Variants in RNF208 observed in about 807,000 individuals in gnomAD.
The protein encoded by RNF208 is ring finger protein 208.
A neutral mutation model predicts 15.2 loss-of-function variants in RNF208; 7 were observed. The ratio of observed to expected loss-of-function variants is 0.46; its 90% CI spans 0.26 to 0.86. RNF208 has a LOEUF of 0.86. Ranked by LOEUF, RNF208 falls within the 40% of genes least tolerant of loss-of-function variation. The pLI, the probability that RNF208 is intolerant of heterozygous loss-of-function variation, is 0.16. For synonymous variants in RNF208, 211 were observed against 163.2 expected, an observed-to-expected ratio of 1.29 and a Z score of -2.23; for missense variants, 342 against 364.1, an observed-to-expected ratio of 0.94 and a Z score of 0.49.
In RNF208 at chr9:137,220,310, G is replaced by A. The variant is rs1835829073; in HGVS notation, c.*117C>T. On this transcript the variant is annotated 3_prime_UTR_variant, in exon 2 of 2. Coordinates refer to ENST00000391553, the MANE Select transcript of RNF208 (RefSeq NM_031297.7). ...TTGGCTGCAGCGACAATGCCACTCG[G>A]GGTGGGGCCGGAAGCCATGGTGGGG... 1 of 1,150,240 alleles carries A rather than the reference G, an allele frequency of 8.7e-7. No individual in the cohort carries two copies. Among genetic ancestry groups the A allele is most frequent in the African/African-American group, 1.5e-5 (1 of 64,566 alleles). The allele number at this position is 1,150,240 out of a possible 1,614,324, so 71.3% of individuals were successfully genotyped here.
upstream of RNF208, among the ~76,000 whole-genome samples, chr9:137,222,403 C>T (rs1321492863): frequency 6.6e-6 from 1 of 151,770 alleles, no homozygotes; most frequent in Non-Finnish European, 1.5e-5. Context: ...GCGTGGGGGG[C>T]AGGACCCCCG....
Position 137,221,260 on chromosome 9 carries a change from T to TGGGGGGGGGGGGGGGG in RNF208, c.-49_-48insCCCCCCCCCCCCCCCC. On this transcript the variant is annotated 5_prime_UTR_variant, in exon 2 of 2. The change abolishes the stop of an existing upstream ORF in the 5' untranslated region. Transcript: ENST00000391553. ...GATGTTCGGGTGGGTGGGGGCGTTG[T>TGGGGGGGGGGGGGGGG]GTGGGGCTGGGGGGCAGGTGACAGG... 5.6e-6 allele frequency: 2 copies of TGGGGGGGGGGGGGGGG among 356,798 alleles called. No homozygotes were observed. The highest frequency in any genetic ancestry group is 3.8e-6 in the Non-Finnish European group (1 of 264,364). The allele number at this position is 356,798 out of a possible 1,614,324, so 22.1% of individuals were successfully genotyped here. A position where few individuals can be genotyped will look rare whatever the true frequency, so the allele number is the denominator to read the frequency against.
chr9:137,220,830 G>A lies in RNF208; in HGVS notation c.383C>T (p.Ser128Leu), dbSNP rs763761490. ...VNQYVIRPGP[S>L]ASAASSAAAG... ...CGCCGCCGAAGAAGCCGCCGAGGCC[G>A]AGGGGCCAGGCCGAATCACGTACTG... Residue 128 changes from serine (S) to leucine (L), a missense_variant, in exon 2 of 2, where the codon TCG becomes TTG. By Grantham distance (145) the Ser-to-Leu change is moderately radical. Coordinates refer to ENST00000391553, the MANE Select transcript of RNF208 (RefSeq NM_031297.7). The A allele has an allele frequency of 6.2e-6, 10 of 1,607,488 alleles. No individual in the cohort carries two copies. The highest frequency in any genetic ancestry group is 4.2e-6 in the Non-Finnish European group (5 of 1,177,294).
rs748939477 is a variant in RNF208, at chr9:137,221,013, G to A, written c.200C>T (p.Pro67Leu). The change falls in exon 2 of 2, where the codon CCC (proline) becomes CTC (leucine). Residue 67 changes from proline to leucine, a missense_variant. This residue lies in a region of RNF208 where 207 missense variants were observed against 193.7 expected (regional missense o/e 1.07). Coordinates refer to ENST00000391553, the MANE Select transcript of RNF208 (RefSeq NM_031297.7). ...TPTLAPKRAW[P>L]SDTEIIVNQA... is the part of the protein sequence containing the mutation. Reference sequence around the variant, plus strand: ...GTTGACAATGATCTCTGTGTCTGAGGGCCAGGCACGCTTGGGTGCCAGAGT... The same window carrying A: ...GTTGACAATGATCTCTGTGTCTGAGAGCCAGGCACGCTTGGGTGCCAGAGT... 6.3e-7 allele frequency: 1 copy of A among 1,581,368 alleles called. No individual in the cohort carries two copies. The highest frequency in any genetic ancestry group is 1.1e-5 in the South Asian group (1 of 87,174).
In RNF208 at chr9:137,220,435, T is replaced by G. The variant is rs1456919794; in HGVS notation, c.778A>C (p.Ile260Leu). 1.9e-6 allele frequency: 3 copies of G among 1,583,084 alleles called. No homozygotes were observed. The highest frequency in any genetic ancestry group is 2.6e-6 in the Non-Finnish European group (3 of 1,163,118). Residue 260 changes from isoleucine to leucine, a missense_variant, in exon 2 of 2, where the codon ATC becomes CTC. Physicochemically the swap from Ile to Leu is conservative, Grantham distance 5 (BLOSUM62 2). Around this residue, in one of 3 missense-constraint regions of RNF208, gnomAD observed 59 missense variants for 52.4 expected, o/e 1.13. Transcript: ENST00000391553. The part of the protein sequence containing the change: ...HVRNPLSACS[I>L]M ...CGGGCAGGCAGGCGCTACTACATGATGGAGCAGGCGGACAGTGGGTTCCGC... is the reference window on the plus strand; with the variant it reads ...CGGGCAGGCAGGCGCTACTACATGAGGGAGCAGGCGGACAGTGGGTTCCGC...
At chr9:137,222,603 C>A (rs1588830494), upstream of RNF208, among the ~76,000 whole-genome samples, 1 of 152,224 alleles carries the variant, frequency 6.6e-6, no homozygotes, top group East Asian at 1.9e-4. Context: ...TGCCTTCCCC[C>A]GTCCCCGGCC....
rs1338674487 is a variant in RNF208, at chr9:137,222,083, T to G, written c.-621A>C. On this transcript the variant is annotated 5_prime_UTR_variant, in exon 1 of 2. Transcript: ENST00000391553. ...GGCGCCCGCGCCTCGGCCCGGCAGC[T>G]CGGGGGGCTCCGGCGGCTCCGGCGG... Among the ~76,000 whole-genome samples, 1 of 147,178 alleles carries G rather than the reference T, an allele frequency of 6.8e-6. No homozygotes were observed. Among genetic ancestry groups the G allele is most frequent in the Non-Finnish European group, 1.5e-5 (1 of 66,348 alleles).
Position 137,220,601 on chromosome 9 carries a change from C to G in RNF208, c.612G>C (p.Leu204=), listed in dbSNP as rs763505353. The G allele has an allele frequency of 1.2e-6, 2 of 1,612,042 alleles. No individual in the cohort carries two copies. Among genetic ancestry groups the G allele is most frequent in the Non-Finnish European group, 1.7e-6 (2 of 1,179,780 alleles). Residue 204 remains leucine (L), a synonymous_variant, in exon 2 of 2, where the codon CTG becomes CTC. Transcript: ENST00000391553. ...GGCTCAGGATGGACGTGTTGACAGC[C>G]AGCGCGGCCAGGCCGTAGTCGGTGA... The part of the protein sequence containing the change: ...VLFTDYGLAA[L]AVNTSILSRL...
Position 137,222,106 on chromosome 9 carries a change from C to G in RNF208, c.-644G>C, listed in dbSNP as rs1021378568. The stretch of plus-strand genomic sequence containing the variant: ...GCTCGGGGGGCTCCGGCGGCTCCGG[C>G]GGCGGCCGCAGCGACCTCAGGCGAT... On this transcript the variant is annotated 5_prime_UTR_variant, in exon 1 of 2. Coordinates refer to ENST00000391553, the MANE Select transcript of RNF208 (RefSeq NM_031297.7). Among the ~76,000 whole-genome samples the G allele has an allele frequency of 7.5e-5, 11 of 147,166 alleles. No individual in the cohort carries two copies. Among genetic ancestry groups the G allele is most frequent in the African/African-American group, 2.7e-4 (11 of 40,930 alleles).
At chr9:137,223,379 C>G (rs1049268082), upstream of RNF208, among the ~76,000 whole-genome samples, 1 of 152,184 alleles carries the variant, frequency 6.6e-6, no homozygotes, top group African/African-American at 2.4e-5. Context: ...CTCTGCTCAC[C>G]GACCCGGCGT....
In RNF208 at chr9:137,220,839, G is replaced by A; in HGVS notation, c.374C>T (p.Pro125Leu). Reference protein sequence around the residue: ...EVIVNQYVIRPGPSASAASSA... With the variant: ...EVIVNQYVIRLGPSASAASSA... Reference sequence around the variant, plus strand: ...AGAAGCCGCCGAGGCCGAGGGGCCAGGCCGAATCACGTACTGATTCACAAT... The same window carrying A: ...AGAAGCCGCCGAGGCCGAGGGGCCAAGCCGAATCACGTACTGATTCACAAT... Residue 125 changes from proline (P) to leucine (L), a missense_variant, in exon 2 of 2, where the codon CCT (proline) becomes CTT (leucine). By Grantham distance (98) the Pro-to-Leu change is moderately conservative. This residue lies in a region of RNF208 where 207 missense variants were observed against 193.7 expected (regional missense o/e 1.07). Transcript: ENST00000391553. 1 of 1,606,622 alleles carries A rather than the reference G, an allele frequency of 6.2e-7. No individual in the cohort carries two copies. The highest frequency in any genetic ancestry group is 8.5e-7 in the Non-Finnish European group (1 of 1,176,620).
In RNF208 at chr9:137,222,135, G is replaced by A. The variant is rs1835880236; in HGVS notation, c.-673C>T. 2.0e-5 allele frequency among the ~76,000 whole-genome samples: 3 copies of A among 146,586 alleles called. No homozygotes were observed. On this transcript the variant is annotated 5_prime_UTR_variant, in exon 1 of 2. Coordinates refer to ENST00000391553, the MANE Select transcript of RNF208 (RefSeq NM_031297.7). Reference sequence around the variant, plus strand: ...GGCCGCAGCGACCTCAGGCGATGGCGGGGCCCGGGCGGCACCGAGGGGCGC... The same window carrying A: ...GGCCGCAGCGACCTCAGGCGATGGCAGGGCCCGGGCGGCACCGAGGGGCGC...
Position 137,221,236 on chromosome 9 carries a change from A to G in RNF208, c.-24T>C. 2 of 357,874 alleles carry G rather than the reference A, an allele frequency of 5.6e-6. No homozygotes were observed. Among genetic ancestry groups the G allele is most frequent in the South Asian group, 2.9e-5 (1 of 33,916 alleles). 22.2% of individuals were successfully genotyped at this position (357,874 alleles called of 1,614,324 possible). The stretch of plus-strand genomic sequence containing the variant: ...ATCCGGCTGTCTCCAGTCAGACTGG[A>G]TGTTCGGGTGGGTGGGGGCGTTGTG... On this transcript the variant is annotated 5_prime_UTR_variant, in exon 2 of 2. Transcript: ENST00000391553.
Position 137,220,310 on chromosome 9 carries a change from G to C in RNF208, c.*117C>G. The C allele has an allele frequency of 8.7e-7, 1 of 1,150,240 alleles. No homozygotes were observed. Among genetic ancestry groups the C allele is most frequent in the Non-Finnish European group, 1.2e-6 (1 of 836,542 alleles). 71.3% of individuals were successfully genotyped at this position (1,150,240 alleles called of 1,614,324 possible). ...TTGGCTGCAGCGACAATGCCACTCG[G>C]GGTGGGGCCGGAAGCCATGGTGGGG... On this transcript the variant is annotated 3_prime_UTR_variant, in exon 2 of 2. Transcript: ENST00000391553.
Position 137,220,690 on chromosome 9 carries a change from A to C in RNF208, c.523T>G (p.Tyr175Asp), listed in dbSNP as rs1411919936. 1 of 1,612,560 alleles carries C rather than the reference A, an allele frequency of 6.2e-7. No individual in the cohort carries two copies. Among genetic ancestry groups the C allele is most frequent in the South Asian group, 1.1e-5 (1 of 91,090 alleles). Reference sequence around the variant, plus strand: ...AACTTGTACTTGGGGCAGGACTCGTAGAGAATCTGCAGGCACTGCTCACAC... The same window carrying C: ...AACTTGTACTTGGGGCAGGACTCGTCGAGAATCTGCAGGCACTGCTCACAC... ...SVCEQCLQIL[Y>D]ESCPKYKFIS... Residue 175 changes from tyrosine to aspartate, a missense_variant, in exon 2 of 2, where the codon TAC becomes GAC. Transcript: ENST00000391553.
At chr9:137,223,380 G>C (rs150314870), upstream of RNF208, among the ~76,000 whole-genome samples, 10,508 of 152,256 alleles carry the variant, frequency 0.069, 601 homozygotes, top group South Asian at 0.1. Flanking sequence ...TCTGCTCACC[G>C]ACCCGGCGTG....
chr9:137,221,104 G>A lies in RNF208; in HGVS notation c.109C>T (p.His37Tyr), dbSNP rs763188074. Residue 37 changes from histidine to tyrosine, a missense_variant, in exon 2 of 2, where the codon CAC becomes TAC. Transcript: ENST00000391553. The stretch of plus-strand genomic sequence containing the variant: ...GGTAGCTCAGGGAACTTTTCAGGGT[G>A]GACAATCTTCATGGCCTCCATCTTG... ...ILKMEAMKIVHPEKFPELPAA... is the reference protein window; with the variant it reads ...ILKMEAMKIVYPEKFPELPAA... 6.2e-7 allele frequency: 1 copy of A among 1,605,680 alleles called. No individual in the cohort carries two copies. Among genetic ancestry groups the A allele is most frequent in the Non-Finnish European group, 8.5e-7 (1 of 1,176,336 alleles).
upstream of RNF208, among the ~76,000 whole-genome samples, chr9:137,223,387 C>T (rs1588830936): frequency 6.6e-6 from 1 of 152,184 alleles, no homozygotes; most frequent in African/African-American, 2.4e-5. Flanking sequence ...ACCGACCCGG[C>T]GTGCGCCCGA....
rs1296386292 is a variant in RNF208, at chr9:137,222,009, G to C, written c.-547C>G. Among the ~76,000 whole-genome samples the C allele has an allele frequency of 1.3e-5, 2 of 151,048 alleles. No individual in the cohort carries two copies. Among genetic ancestry groups the C allele is most frequent in the Non-Finnish European group, 3.0e-5 (2 of 67,642 alleles). On this transcript the variant is annotated 5_prime_UTR_variant, in exon 1 of 2. Coordinates refer to ENST00000391553, the MANE Select transcript of RNF208 (RefSeq NM_031297.7). Reference sequence around the variant, plus strand: ...CTCACCTGCCCCAGCCTGGCGTCCCGGCCGCGCGCCGCCGCCGCAGAGGTT... The same window carrying C: ...CTCACCTGCCCCAGCCTGGCGTCCCCGCCGCGCGCCGCCGCCGCAGAGGTT...
Sources: allele counts gnomAD v4.1 joint callset (sites outside exome capture counted in the v4.1 genomes callset), GRCh38; gene constraint gnomAD v4.1.1; regional missense constraint gnomAD v4.1.1; transcripts MANE v1.5; gene names NCBI Gene and HGNC (gene_info 2026-07-23, HGNC 2026-07-21).